SLC22A9: variants seen among roughly 807,000 people sequenced by gnomAD.
The protein encoded by SLC22A9 is solute carrier family 22 member 9.
A neutral mutation model predicts 50.1 loss-of-function variants in SLC22A9; 64 were observed. The observed-to-expected ratio is 1.28, with a 90% CI of 1.04 to 1.57. SLC22A9 has a LOEUF of 1.57. SLC22A9 is among the 40% of genes most tolerant of loss of function. The pLI is 0.00. For missense variants in SLC22A9, 757 were observed against 676.1 expected (o/e 1.12, Z -1.33); for synonymous variants, 261 against 242.5 (o/e 1.08, Z -0.71).
chr11:63,381,041 T>C (rs1283989552), intron 5 of SLC22A9, among the ~76,000 whole-genome samples: 1 of 152,172 alleles, frequency 6.6e-6, no homozygotes, highest in African/African-American at 2.4e-5. Context: ...GGATACCTAA[T>C]GTTGCCTAAA....
chr11:63,388,101 A>G (rs2014700613), intron 6 of SLC22A9, among the ~76,000 whole-genome samples: 2 of 152,110 alleles, frequency 1.3e-5, no homozygotes, highest in Non-Finnish European at 2.9e-5. Flanking sequence ...ATATAAGATT[A>G]TATCATCTGC....
At chr11:63,372,334 A>G (rs2014375297) in intron 2 of SLC22A9, among the ~76,000 whole-genome samples, 1 of 152,174 alleles carries the variant, frequency 6.6e-6, no homozygotes, top group South Asian at 2.1e-4. Flanking sequence ...GAAATAATCT[A>G]TAATTTCATT....
chr11:63,385,156 G>T (rs2014643313), intron 6 of SLC22A9, among the ~76,000 whole-genome samples: 2 of 82,914 alleles, frequency 2.4e-5, no homozygotes, highest in Non-Finnish European at 2.4e-5. Flanking sequence ...AGTTTAATTA[G>T]ATCCTATGGC....
intron 6 of SLC22A9, among the ~76,000 whole-genome samples, chr11:63,400,431 A>T (rs2014933279): frequency 6.6e-6 from 1 of 152,080 alleles, no homozygotes; most frequent in Admixed American, 6.6e-5. Context: ...TTTTTTTGAC[A>T]CATAGAATAT....
intron 2 of SLC22A9, among the ~76,000 whole-genome samples, chr11:63,372,526 C>A (rs966280260): frequency 6.6e-6 from 1 of 152,042 alleles, no homozygotes; most frequent in Non-Finnish European, 1.5e-5. Flanking sequence ...AAACAAGGAA[C>A]TACATTATGA....
At chr11:63,396,730 C>A (rs1376075880) in intron 6 of SLC22A9, among the ~76,000 whole-genome samples, 10 of 152,086 alleles carry the variant, frequency 6.6e-5, no homozygotes. Context: ...ATTTCAATTT[C>A]TTTGTCAAAT....
intron 6 of SLC22A9, among the ~76,000 whole-genome samples, chr11:63,404,313 G>T (rs2015001412): frequency 1.3e-5 from 2 of 152,106 alleles, no homozygotes; most frequent in Non-Finnish European, 2.9e-5. Context: ...AGGGACAGCG[G>T]ACAGAGGGGA....
chr11:63,405,122 A>G (rs34760375), intron 6 of SLC22A9, among the ~76,000 whole-genome samples: 7 of 151,982 alleles, frequency 4.6e-5, no homozygotes, highest in Non-Finnish European at 1.0e-4. Context: ...TGAAATAATA[A>G]CAATAATAAT....
At chr11:63,400,115 A>C (rs2014927845) in intron 6 of SLC22A9, among the ~76,000 whole-genome samples, 1 of 152,090 alleles carries the variant, frequency 6.6e-6, no homozygotes, top group South Asian at 2.1e-4. Flanking sequence ...ATGTACCTTA[A>C]AGAAGTAGAA....
chr11:63,399,111 T>C (rs1365062265), intron 6 of SLC22A9, among the ~76,000 whole-genome samples: 1 of 152,100 alleles, frequency 6.6e-6, no homozygotes, highest in Non-Finnish European at 1.5e-5. Context: ...CACAAAGTCC[T>C]TATACACAAA....
intron 6 of SLC22A9, among the ~76,000 whole-genome samples, chr11:63,383,910 G>A (rs913345550): frequency 1.1e-4 from 16 of 152,148 alleles, no homozygotes; most frequent in South Asian, 2.1e-4. Flanking sequence ...TTAGTTGGGC[G>A]TGGTGGTGCA....
chr11:63,409,252 T>G (rs899743837), intron 9 of SLC22A9, among the ~76,000 whole-genome samples: 1 of 152,084 alleles, frequency 6.6e-6, no homozygotes, highest in Non-Finnish European at 1.5e-5. Context: ...CTCAAACAAG[T>G]GGGTACCTGT....
At position 63,379,381 on chromosome 11, in the gene SLC22A9, A is replaced by C. The variant is rs78510675; in HGVS notation, c.955-2778A>C. Among the ~76,000 whole-genome samples the C allele has an allele frequency of 3.4e-3, 513 of 152,344 alleles. 2 individuals carry two copies. The highest frequency in any genetic ancestry group is 0.012 in the African/African-American group (495 of 41,592). On this transcript the variant is annotated intron_variant, in intron 5 of 9. Transcript: ENST00000279178. ...AAAACTCAAGTCAAGATAAAGACTT[A>C]AGTTTAAGACCTAAAACTATAAAAA...
chr11:63,397,901 T>C (rs1427310433), intron 6 of SLC22A9, among the ~76,000 whole-genome samples: 1 of 131,494 alleles, frequency 7.6e-6, no homozygotes, highest in Non-Finnish European at 1.6e-5. Flanking sequence ...GTACCTAAGC[T>C]GCAAGACGAA....
chr11:63,381,195 A>T (rs1012520589), intron 5 of SLC22A9, among the ~76,000 whole-genome samples: 3 of 152,174 alleles, frequency 2.0e-5, no homozygotes, highest in African/African-American at 2.4e-5. Context: ...ATATCAATCC[A>T]TTAATTACTC....
intron 6 of SLC22A9, among the ~76,000 whole-genome samples, chr11:63,384,681 G>T (rs1384961548): frequency 6.6e-6 from 1 of 152,086 alleles, no homozygotes; most frequent in African/African-American, 2.4e-5. Flanking sequence ...TGGGTCAAAT[G>T]GTATTTCCGT....
intron 4 of SLC22A9, 128 bp downstream of exon 4, chr11:63,374,190 T>A: frequency 1.2e-6 from 1 of 819,438 alleles, no homozygotes; most frequent in Non-Finnish European, 1.8e-6. Context: ...AATCTGTGCT[T>A]GATGTGCAAT....
intron 6 of SLC22A9, among the ~76,000 whole-genome samples, chr11:63,396,571 G>A (rs2014861847): frequency 6.6e-6 from 1 of 152,066 alleles, no homozygotes; most frequent in South Asian, 2.1e-4. Flanking sequence ...AGGAGCAGTC[G>A]GCTTCCTCCA....
chr11:63,387,345 C>A (rs1267904980), intron 6 of SLC22A9, among the ~76,000 whole-genome samples: 1 of 151,982 alleles, frequency 6.6e-6, no homozygotes, highest in African/African-American at 2.4e-5. Flanking sequence ...GATCTAGTTT[C>A]ATTCTTCTGC....
Sources: gnomAD v4.1 joint callset for allele counts (sites outside exome capture counted in the v4.1 genomes callset) on GRCh38, gnomAD v4.1.1 for gene constraint, MANE v1.5 for transcripts, NCBI Gene and HGNC (gene_info 2026-07-23, HGNC 2026-07-21) for gene names.